Variants in IFT70B observed in about 807,000 individuals in gnomAD.
The protein encoded by IFT70B is intraflagellar transport 70B.
the IFT70B span, chr2:177,551,610 A>C: frequency 1.2e-6 from 2 of 1,614,210 alleles, no homozygotes; most frequent in African/African-American, 2.7e-5. Context: ...CTCAGTCAGC[A>C]TCCCTGCTAG....
chr2:177,550,701 G>T, the IFT70B span: 1 of 1,365,580 alleles, frequency 7.3e-7, no homozygotes. Context: ...AGATGCCAAA[G>T]GGTAAATAAA....
chr2:177,550,314 TC>T, the IFT70B span: 1 of 153,112 alleles, frequency 6.5e-6, no homozygotes, highest in African/African-American at 2.4e-5. Context: ...TGCCAAAATA[TC>T]CTAAAGTCTA....
chr2:177,552,173 G>A, the IFT70B span: 58 of 1,614,226 alleles, frequency 3.6e-5, no homozygotes, highest in Middle Eastern at 4.9e-4. Context: ...TGCTGTAATA[G>A]GCCAAAGCCA....
the IFT70B span, chr2:177,552,561 T>G: frequency 6.2e-7 from 1 of 1,600,706 alleles, no homozygotes; most frequent in Non-Finnish European, 8.5e-7. Context: ...CAGCTGCTCA[T>G]AGCACTCGGC....
At chr2:177,551,773 A>C in the IFT70B span, 2 of 1,614,256 alleles carry the variant, frequency 1.2e-6, no homozygotes, top group South Asian at 2.2e-5. Context: ...TCATATTTAC[A>C]GTAGAGCAGC....
the IFT70B span, chr2:177,550,667 A>G: frequency 4.3e-6 from 5 of 1,150,530 alleles, no homozygotes; most frequent in Non-Finnish European, 6.1e-6. Context: ...TAAGTGTACA[A>G]AGTTCAACAT....
the IFT70B span, chr2:177,551,126 C>T: frequency 1.2e-6 from 2 of 1,614,130 alleles, no homozygotes; most frequent in Non-Finnish European, 1.7e-6. Flanking sequence ...TCACCAAATT[C>T]ACAATGCAGA....
chr2:177,549,649 A>G, the IFT70B span: 3 of 152,216 alleles, frequency 2.0e-5, no homozygotes, highest in African/African-American at 7.2e-5. Context: ...GGGAAATCAA[A>G]TAGTAAGGCT....
At chr2:177,550,898 A>T in the IFT70B span, 30 of 1,614,138 alleles carry the variant, frequency 1.9e-5, no homozygotes, top group Admixed American at 5.0e-4. Flanking sequence ...TGTTTCTGCC[A>T]TGAAGTTCAC....
the IFT70B span, chr2:177,552,522 T>C: frequency 6.2e-7 from 1 of 1,602,632 alleles, no homozygotes; most frequent in Non-Finnish European, 8.5e-7. Flanking sequence ...GTACAGGCGG[T>C]ACTGCTCCAG....
At chr2:177,552,315 C>T in the IFT70B span, 4 of 1,614,112 alleles carry the variant, frequency 2.5e-6, no homozygotes, top group Non-Finnish European at 3.4e-6. Context: ...CTCATTCTCG[C>T]CCCCACTTTC....
chr2:177,551,058 T>A, the IFT70B span: 4 of 1,614,188 alleles, frequency 2.5e-6, no homozygotes, highest in Non-Finnish European at 3.4e-6. Flanking sequence ...TTCCAAGCTT[T>A]TGATAACTCG....
At chr2:177,549,254 TAGC>T in the IFT70B span, 4 of 152,198 alleles carry the variant, frequency 2.6e-5, no homozygotes, top group Non-Finnish European at 5.9e-5. Context: ...TGGTAAATGA[TAGC>T]AGCTCAGATA....
chr2:177,552,248 A>G, the IFT70B span: 1 of 1,614,162 alleles, frequency 6.2e-7, no homozygotes, highest in Non-Finnish European at 8.5e-7. Flanking sequence ...TGGAGCATGC[A>G]GCTTCATACT....
chr2:177,552,640 G>A, the IFT70B span: 2 of 1,590,158 alleles, frequency 1.3e-6, no homozygotes, highest in South Asian at 2.3e-5. Context: ...CGGCTCCTAG[G>A]GCTCCGCTGC....
chr2:177,552,286 G>A, the IFT70B span: 1 of 1,614,230 alleles, frequency 6.2e-7, no homozygotes, highest in South Asian at 1.1e-5. Flanking sequence ...AAACAACCCA[G>A]GTTGATCTGG....
chr2:177,552,725 C>G, the IFT70B span: 1 of 1,588,934 alleles, frequency 6.3e-7, no homozygotes, highest in Non-Finnish European at 8.6e-7. Context: ...CCGCGGTGAA[C>G]TCCCCGTCGG....
At chr2:177,552,345 G>T in the IFT70B span, 7 of 1,614,084 alleles carry the variant, frequency 4.3e-6, no homozygotes, top group Non-Finnish European at 5.9e-6. Context: ...TTCCCTACTC[G>T]GCAGCTGCTC....
At chr2:177,551,753 G>C in the IFT70B span, 4 of 1,614,086 alleles carry the variant, frequency 2.5e-6, no homozygotes, top group Non-Finnish European at 3.4e-6. Flanking sequence ...CTGCTGCCAG[G>C]TCAAAATACT....
Sources: gnomAD v4.1 joint callset for allele counts on GRCh38, gnomAD v4.1.1 for gene constraint, MANE v1.5 for transcripts, NCBI Gene and HGNC (gene_info 2026-07-23, HGNC 2026-07-21) for gene names.